Variants in HLA-DPA1 observed in about 807,000 individuals in gnomAD.
The protein encoded by HLA-DPA1 is major histocompatibility complex, class II, DP alpha 1, also known as HLA class II histocompatibility antigen, DP alpha 1 chain.
HLA-DPA1 carries 20 observed loss-of-function variants against 21.5 expected under a neutral mutation model. The ratio of observed to expected loss-of-function variants is 0.93; its 90% CI spans 0.66 to 1.35. The LOEUF is 1.35. Among genes scored for constraint, HLA-DPA1 ranks in the 40% most tolerant of loss-of-function variants. The probability of loss-of-function intolerance (pLI) is 0.00; values close to 1 mark genes in which losing one functional copy is unlikely to be tolerated. For missense variants in HLA-DPA1, 279 were observed against 323.0 expected (o/e 0.86, Z 1.05); for synonymous variants, 123 against 129.6 (o/e 0.95, Z 0.35).
intron 1 of HLA-DPA1, among the ~76,000 whole-genome samples, chr6:33,076,379 G>GTA (rs9282410): frequency 2.6e-5 from 4 of 151,756 alleles, no homozygotes; most frequent in Non-Finnish European, 5.9e-5. Flanking sequence ...CCAGTGGTCA[G>GTA]TGTCTTTGGG....
At chr6:33,065,816 GT>G (rs1761928946) in intron 5 of HLA-DPA1, 1 of 141,236 alleles carries the variant, frequency 7.1e-6, no homozygotes, top group African/African-American at 2.9e-5. Context: ...TCTGACAGCA[GT>G]ACTTCCTCCT....
intron 1 of HLA-DPA1, among the ~76,000 whole-genome samples, chr6:33,078,308 G>C (rs959480953): frequency 1.3e-5 from 2 of 152,116 alleles, no homozygotes; most frequent in Non-Finnish European, 2.9e-5. Flanking sequence ...ATCAAAACCT[G>C]CTGGAGGGAG....
At chr6:33,079,703 G>A (rs1762735231) in intron 1 of HLA-DPA1, 2 of 508,192 alleles carry the variant, frequency 3.9e-6, no homozygotes, top group Non-Finnish European at 3.9e-6. Context: ...CAGCCTCAAG[G>A]AGCTGAAAGT....
At chr6:33,068,750 A>G in exon 5 of HLA-DPA1, 1 of 1,612,978 alleles carries the variant, frequency 6.2e-7, no homozygotes, top group Non-Finnish European at 8.5e-7. Flanking sequence ...CACCAGGCCC[A>G]GGGCACAGAG....
chr6:33,073,583 A>G (rs1022442380), exon 2 of HLA-DPA1: 1 of 1,589,990 alleles, frequency 6.3e-7, no homozygotes, highest in Non-Finnish European at 8.6e-7. Context: ...TGTGGGGTCT[A>G]TAATTGATGA....
chr6:33,078,119 A>G (rs114364259), intron 1 of HLA-DPA1, among the ~76,000 whole-genome samples: 12,710 of 151,954 alleles, frequency 0.084, 555 homozygotes, highest in Middle Eastern at 0.17. Flanking sequence ...GGGAGCCACC[A>G]AGGAAACCCA....
At chr6:33,065,880 T>C (rs1761931446) in intron 5 of HLA-DPA1, 1 of 133,350 alleles carries the variant, frequency 7.5e-6, no homozygotes, top group Non-Finnish European at 1.5e-5. Flanking sequence ...TCCTAATTCT[T>C]CTGCTTCTCT....
intron 1 of HLA-DPA1, among the ~76,000 whole-genome samples, chr6:33,077,405 A>G (rs1225994411): frequency 6.6e-6 from 1 of 152,142 alleles, no homozygotes; most frequent in Non-Finnish European, 1.5e-5. Flanking sequence ...TTATAGCAGC[A>G]TGATTTATAA....
At chr6:33,071,293 T>C (rs545185578) in intron 2 of HLA-DPA1, among the ~76,000 whole-genome samples, 1 of 152,244 alleles carries the variant, frequency 6.6e-6, no homozygotes, top group South Asian at 2.1e-4. Context: ...ACAAATCCTA[T>C]AGGTATTTCA....
At chr6:33,071,829 C>T (rs35521473) in intron 2 of HLA-DPA1, among the ~76,000 whole-genome samples, 43,914 of 151,908 alleles carry the variant, frequency 0.29, 8,382 homozygotes, top group East Asian at 0.69. Flanking sequence ...ACAGCCTGAC[C>T]GGGAGAAGAT....
chr6:33,074,151 TTA>T (rs779957422), intron 1 of HLA-DPA1, among the ~76,000 whole-genome samples: 58 of 152,350 alleles, frequency 3.8e-4, no homozygotes, highest in African/African-American at 9.1e-4. Flanking sequence ...TAATTTCTAT[TTA>T]GAGGTTTTAA....
At chr6:33,073,500 A>G (rs754558062) in exon 2 of HLA-DPA1, 7 of 1,612,656 alleles carry the variant, frequency 4.3e-6, no homozygotes, top group Non-Finnish European at 5.9e-6. Flanking sequence ...TCGGAGACTC[A>G]GCAGGAAAGC....
Position 33,080,698 on chromosome 6 carries a change from G to A in HLA-DPA1, c.-118C>T. 1 of 1,613,108 alleles carries A rather than the reference G, an allele frequency of 6.2e-7. No homozygotes were observed. The highest frequency in any genetic ancestry group is 8.5e-7 in the Non-Finnish European group (1 of 1,179,720). ...GAATTACCTTTTCCAGGGACGGCAG[G>A]AATGCTACGCGTTTAATGGGACACA... On this transcript the variant is annotated 5_prime_UTR_variant, in exon 1 of 6. Coordinates refer to ENST00000419277, the Ensembl canonical transcript of HLA-DPA1. This position sits in a 1 kb window ranked among gnomAD's most constrained non-coding sequence, Gnocchi z 4.3.
intron 1 of HLA-DPA1, among the ~76,000 whole-genome samples, chr6:33,078,103 A>T (rs1762642003): frequency 6.6e-6 from 1 of 152,034 alleles, no homozygotes; most frequent in African/African-American, 2.4e-5. Context: ...GATGAGGGAC[A>T]GTGTTGGGAG....
intron 5 of HLA-DPA1, chr6:33,067,322 C>CA (rs200365821): frequency 0.29 from 43,879 of 151,864 alleles, 8,371 homozygotes; most frequent in East Asian, 0.69. Flanking sequence ...GTCCCCTCTC[C>CA]GGGTAATGAG....
intron 2 of HLA-DPA1, among the ~76,000 whole-genome samples, chr6:33,071,053 C>T (rs73400085): frequency 0.29 from 43,344 of 151,838 alleles, 8,093 homozygotes; most frequent in East Asian, 0.66. Context: ...GAAGGAACTA[C>T]GGGACTCTTC....
chr6:33,072,060 G>A (rs36043556), intron 2 of HLA-DPA1, among the ~76,000 whole-genome samples: 43,715 of 151,694 alleles, frequency 0.29, 8,353 homozygotes, highest in East Asian at 0.69. Context: ...GAACATGATA[G>A]TTAAGAGGTG....
chr6:33,073,534 C>T, exon 2 of HLA-DPA1: 1 of 1,613,030 alleles, frequency 6.2e-7, no homozygotes, highest in Middle Eastern at 1.6e-4. Flanking sequence ...CTCAAGATCA[C>T]AGCTCTGATA....
At chr6:33,076,877 C>G (rs1762564452) in intron 1 of HLA-DPA1, among the ~76,000 whole-genome samples, 1 of 152,004 alleles carries the variant, frequency 6.6e-6, no homozygotes. Flanking sequence ...ATTATGGCAT[C>G]TATGATCCAT....
Sources: allele counts gnomAD v4.1 joint callset (sites outside exome capture counted in the v4.1 genomes callset), GRCh38; gene constraint gnomAD v4.1.1; non-coding constraint Gnocchi (gnomAD v3.1); transcripts MANE v1.5; gene names NCBI Gene and HGNC (gene_info 2026-07-23, HGNC 2026-07-21).